CADM2: variants seen among roughly 807,000 people sequenced by gnomAD.
The protein encoded by CADM2 is immunoglobulin superfamily member 4D.
CADM2 carries 12 observed loss-of-function variants against 49.8 expected under a neutral mutation model. The ratio of observed to expected loss-of-function variants is 0.24; its 90% CI spans 0.15 to 0.39. The LOEUF (loss-of-function observed/expected upper bound fraction) is 0.39, where lower values mean the gene tolerates loss of function less well. Ranked by LOEUF, CADM2 falls within the 10% of genes least tolerant of loss-of-function variation. The probability of loss-of-function intolerance (pLI) is 1.00; values close to 1 mark genes in which losing one functional copy is unlikely to be tolerated. For synonymous variants in CADM2, 214 were observed against 175.4 expected (o/e 1.22, Z -1.74); for missense variants, 378 against 492.3 (o/e 0.77, Z 2.20).
chr3:85,417,586 C>G (rs2035971304), intron 1 of CADM2, among the ~76,000 whole-genome samples: 1 of 152,140 alleles, frequency 6.6e-6, no homozygotes, highest in Non-Finnish European at 1.5e-5. Flanking sequence ...ATCCATCTAT[C>G]ACATAGCTGT....
At chr3:85,595,050 A>G (rs2063204020) in intron 1 of CADM2, among the ~76,000 whole-genome samples, 1 of 152,050 alleles carries the variant, frequency 6.6e-6, no homozygotes, top group African/African-American at 2.4e-5. Flanking sequence ...TTCAAGTTAC[A>G]TTTAACAAGT....
chr3:85,833,091 A>G (rs80294395), intron 3 of CADM2, among the ~76,000 whole-genome samples: 87 of 151,916 alleles, frequency 5.7e-4, no homozygotes, highest in African/African-American at 2.0e-3. Context: ...ATTTTGTTTT[A>G]AATTCAGTTT....
intron 1 of CADM2, among the ~76,000 whole-genome samples, chr3:85,665,846 T>G (rs995565035): frequency 2.0e-5 from 3 of 152,158 alleles, no homozygotes; most frequent in Middle Eastern, 6.8e-3. Flanking sequence ...CAAATAAATC[T>G]TATTATGGGA....
intron 1 of CADM2, among the ~76,000 whole-genome samples, chr3:85,075,572 G>A (rs967534251): frequency 2.0e-5 from 3 of 152,012 alleles, no homozygotes; most frequent in African/African-American, 7.2e-5. Context: ...TTGTTTGTGG[G>A]TTACATTTAC....
At chr3:85,001,909 TG>T (rs1355870240) in intron 1 of CADM2, among the ~76,000 whole-genome samples, 2 of 152,116 alleles carry the variant, frequency 1.3e-5, no homozygotes, top group African/African-American at 4.8e-5. Context: ...CCTTCAAATA[TG>T]TGATTAATAG....
chr3:85,454,264 G>A (rs2037887230), intron 1 of CADM2, among the ~76,000 whole-genome samples: 1 of 152,092 alleles, frequency 6.6e-6, no homozygotes, highest in South Asian at 2.1e-4. Flanking sequence ...CCGGGAGGTG[G>A]AGGTTGCAGT....
intron 1 of CADM2, among the ~76,000 whole-genome samples, chr3:85,005,476 G>A (rs2033674263): frequency 6.6e-6 from 1 of 151,988 alleles, no homozygotes; most frequent in African/African-American, 2.4e-5. Flanking sequence ...ATTCATCCTA[G>A]TTTCTTTATT....
intron 1 of CADM2, among the ~76,000 whole-genome samples, chr3:85,632,140 G>A (rs1298005440): frequency 6.6e-6 from 1 of 151,962 alleles, no homozygotes; most frequent in Non-Finnish European, 1.5e-5. Flanking sequence ...CACAGGGGCG[G>A]GTCTTTCCCT....
chr3:85,508,147 A>G (rs1379135205), intron 1 of CADM2, among the ~76,000 whole-genome samples: 1 of 152,088 alleles, frequency 6.6e-6, no homozygotes, highest in East Asian at 1.9e-4. Context: ...GGACTGTCCT[A>G]TTTCGCTTCA....
At chr3:85,069,677 C>T (rs895166625) in intron 1 of CADM2, among the ~76,000 whole-genome samples, 1 of 152,018 alleles carries the variant, frequency 6.6e-6, no homozygotes, top group Non-Finnish European at 1.5e-5. Flanking sequence ...CAATAAACAG[C>T]AGCTACATCA....
intron 8 of CADM2, among the ~76,000 whole-genome samples, chr3:86,008,042 C>G (rs1420742517): frequency 6.6e-6 from 1 of 152,094 alleles, no homozygotes; most frequent in Non-Finnish European, 1.5e-5. Flanking sequence ...TTTGGGAGTT[C>G]TAGATTCATG....
At chr3:86,016,182 C>T (rs1282742799) in intron 8 of CADM2, among the ~76,000 whole-genome samples, 1 of 151,726 alleles carries the variant, frequency 6.6e-6, no homozygotes, top group African/African-American at 2.4e-5. Flanking sequence ...TGGTAAAGTA[C>T]ATAAATGGAA....
chr3:85,609,886 A>G (rs964234026), intron 1 of CADM2, among the ~76,000 whole-genome samples: 12 of 152,096 alleles, frequency 7.9e-5, no homozygotes, highest in Admixed American at 7.2e-4. Context: ...GAATAGGTGC[A>G]GTAATCATAG....
At chr3:85,276,754 G>T (rs1286718686) in intron 1 of CADM2, among the ~76,000 whole-genome samples, 7 of 151,312 alleles carry the variant, frequency 4.6e-5, no homozygotes, top group Middle Eastern at 3.4e-3. Context: ...ATAAGAAGAA[G>T]AAATAGCATT....
At chr3:85,973,048 A>T (rs1430809139) in intron 8 of CADM2, among the ~76,000 whole-genome samples, 1 of 151,736 alleles carries the variant, frequency 6.6e-6, no homozygotes, top group African/African-American at 2.4e-5. Flanking sequence ...GAAGACTCTT[A>T]ACAGGAATTA....
intron 1 of CADM2, among the ~76,000 whole-genome samples, chr3:85,539,629 C>A (rs1226889103): frequency 6.6e-6 from 1 of 152,008 alleles, no homozygotes; most frequent in Non-Finnish European, 1.5e-5. Flanking sequence ...ATAAATAGTT[C>A]ATTTACTTGC....
intron 1 of CADM2, among the ~76,000 whole-genome samples, chr3:85,464,183 A>AT (rs1341058256): frequency 1.3e-5 from 2 of 151,970 alleles, no homozygotes; most frequent in South Asian, 4.2e-4. Flanking sequence ...GACATGCAAA[A>AT]TTTTTTTCTT....
intron 8 of CADM2, chr3:86,012,839 G>T: frequency 1.9e-6 from 1 of 534,846 alleles, no homozygotes; most frequent in East Asian, 3.5e-5. Flanking sequence ...GCCGGGAGCG[G>T]TGGCGGGCGC....
chr3:84,981,870 GTC>G (rs1247729713), intron 1 of CADM2, among the ~76,000 whole-genome samples: 1 of 152,162 alleles, frequency 6.6e-6, no homozygotes, highest in Non-Finnish European at 1.5e-5. Context: ...TGTTGCCAAA[GTC>G]TACGGGGTGA....
Sources: gnomAD v4.1 joint callset for allele counts (sites outside exome capture counted in the v4.1 genomes callset) on GRCh38, gnomAD v4.1.1 for gene constraint, MANE v1.5 for transcripts, NCBI Gene and HGNC (gene_info 2026-07-23, HGNC 2026-07-21) for gene names.